Variants in FGF12 observed in about 807,000 individuals in gnomAD.
FGF12 encodes the protein fibroblast growth factor 12, also known as fibroblast growth factor 12B.
In FGF12, 14 loss-of-function variants were observed where a neutral mutation model predicts 23.6. The ratio of observed to expected loss-of-function variants is 0.59; its 90% CI spans 0.39 to 0.93. FGF12 has a LOEUF of 0.93. Ranked by LOEUF, FGF12 falls within the 40% of genes least tolerant of loss-of-function variation. The pLI, the probability that FGF12 is intolerant of heterozygous loss-of-function variation, is 0.00. For synonymous variants in FGF12, 62 were observed against 77.3 expected (o/e 0.80, Z 1.04); for missense variants, 175 against 217.8 (o/e 0.80, Z 1.24).
At chr3:192,558,842 A>G (rs1055375171) in intron 2 of FGF12, among the ~76,000 whole-genome samples, 1 of 151,962 alleles carries the variant, frequency 6.6e-6, no homozygotes, top group Non-Finnish European at 1.5e-5. Context: ...CCAAGACTAC[A>G]AAATGGAGAA....
intron 2 of FGF12, among the ~76,000 whole-genome samples, chr3:192,608,430 A>G (rs1714427439): frequency 6.6e-6 from 1 of 152,140 alleles, no homozygotes; most frequent in Admixed American, 6.6e-5. Flanking sequence ...ATATACACCT[A>G]CAATATACCT....
rs1445156282 is a variant in FGF12, at chr3:192,336,834, C to A, written c.125-1370G>T. On this transcript the variant is annotated intron_variant, in intron 3 of 5. Coordinates refer to ENST00000445105, the MANE Select transcript of FGF12 (RefSeq NM_004113.6). This position sits in a 1 kb window ranked among gnomAD's most constrained non-coding sequence, Gnocchi z 4.3. ...ACACTCACAGTATTTGGCTTTCAGTCAAATGTTCAATTGACAGTTGTAGAG... is the reference window on the plus strand; with the variant it reads ...ACACTCACAGTATTTGGCTTTCAGTAAAATGTTCAATTGACAGTTGTAGAG... 6.6e-6 allele frequency among the ~76,000 whole-genome samples: 1 copy of A among 152,122 alleles called. No individual in the cohort carries two copies. Among genetic ancestry groups the A allele is most frequent in the Non-Finnish European group, 1.5e-5 (1 of 68,016 alleles).
At chr3:192,266,153 C>T (rs1257180683) in intron 4 of FGF12, among the ~76,000 whole-genome samples, 1 of 152,152 alleles carries the variant, frequency 6.6e-6, no homozygotes, top group African/African-American at 2.4e-5. Context: ...TCTCTGACTG[C>T]TCAGGTTAAA....
chr3:192,144,770 C>T (rs1167831321), intron 5 of FGF12, among the ~76,000 whole-genome samples: 4 of 152,176 alleles, frequency 2.6e-5, no homozygotes, highest in Admixed American at 2.6e-4. Context: ...CTTTTCTCCT[C>T]TATTGTATTG....
At chr3:192,145,168 C>G (rs1013928588) in intron 5 of FGF12, among the ~76,000 whole-genome samples, 3 of 152,190 alleles carry the variant, frequency 2.0e-5, no homozygotes, top group East Asian at 3.9e-4. Context: ...TTAATTTGGA[C>G]ACATTTTCAT....
intron 4 of FGF12, among the ~76,000 whole-genome samples, chr3:192,174,892 A>G (rs894295021): frequency 1.3e-5 from 2 of 152,168 alleles, no homozygotes; most frequent in African/African-American, 4.8e-5. Flanking sequence ...CACATGTTTT[A>G]AATGTTTAGA....
chr3:192,683,864 T>C (rs896248700), intron 2 of FGF12, among the ~76,000 whole-genome samples: 6 of 152,222 alleles, frequency 3.9e-5, no homozygotes, highest in African/African-American at 1.4e-4. Flanking sequence ...TATCTTTCTG[T>C]TCGGCTGCAA....
chr3:192,725,855 A>G (rs1719197077), intron 2 of FGF12, among the ~76,000 whole-genome samples: 1 of 152,236 alleles, frequency 6.6e-6, no homozygotes, highest in Non-Finnish European at 1.5e-5. Context: ...GGAGTATAAT[A>G]GAGTTAATAA....
At chr3:192,201,187 T>A (rs1019968205) in intron 4 of FGF12, among the ~76,000 whole-genome samples, 4 of 152,222 alleles carry the variant, frequency 2.6e-5, no homozygotes, top group African/African-American at 9.6e-5. Flanking sequence ...AGCTGTACTT[T>A]ATGTTCTAAA....
intron 2 of FGF12, among the ~76,000 whole-genome samples, chr3:192,534,392 C>CTTTATT (rs969902447): frequency 1.1e-4 from 17 of 152,012 alleles, no homozygotes; most frequent in Admixed American, 1.0e-3. Flanking sequence ...GATGTAAGCT[C>CTTTATT]TTTATTTTTA....
intron 2 of FGF12, among the ~76,000 whole-genome samples, chr3:192,399,877 A>T (rs1158765838): frequency 1.3e-5 from 2 of 152,224 alleles, no homozygotes; most frequent in African/African-American, 4.8e-5. Flanking sequence ...CTGACTCCTG[A>T]AAAGTAACGA....
intron 4 of FGF12, among the ~76,000 whole-genome samples, chr3:192,174,779 C>T (rs56084138): frequency 0.029 from 4,405 of 151,308 alleles, 206 homozygotes; most frequent in African/African-American, 0.1. Context: ...CCTTCTGGCT[C>T]CACACATATT....
At chr3:192,628,442 TACACACACACACACACACAC>T (rs60991895) in intron 2 of FGF12, among the ~76,000 whole-genome samples, 15 of 134,984 alleles carry the variant, frequency 1.1e-4, no homozygotes, top group East Asian at 4.3e-4. Context: ...ACCAAAGGAA[TACACACACACACACACACAC>T]ACACACACAC....
At chr3:192,194,498 A>T (rs972816391) in intron 4 of FGF12, among the ~76,000 whole-genome samples, 2 of 152,214 alleles carry the variant, frequency 1.3e-5, no homozygotes, top group Admixed American at 1.3e-4. Context: ...CTCTGGATGA[A>T]ATTTTCATTC....
At chr3:192,533,335 G>GT (rs1037106621) in intron 2 of FGF12, among the ~76,000 whole-genome samples, 6 of 152,078 alleles carry the variant, frequency 3.9e-5, no homozygotes, top group Non-Finnish European at 8.8e-5. Flanking sequence ...TGTAATTCAG[G>GT]TTTTTGGGGA....
intron 2 of FGF12, among the ~76,000 whole-genome samples, chr3:192,569,447 C>T (rs1436537594): frequency 2.0e-5 from 3 of 152,272 alleles, no homozygotes; most frequent in African/African-American, 7.2e-5. Flanking sequence ...AGCAAAGGAA[C>T]GTCTGGAGAA....
chr3:192,443,852 T>G (rs929597081), intron 2 of FGF12, among the ~76,000 whole-genome samples: 1 of 152,152 alleles, frequency 6.6e-6, no homozygotes, highest in African/African-American at 2.4e-5. Context: ...TTCTGTAGCT[T>G]ATGGGAACCA....
chr3:192,401,655 G>A (rs1237880563), intron 2 of FGF12, among the ~76,000 whole-genome samples: 4 of 152,264 alleles, frequency 2.6e-5, no homozygotes, highest in East Asian at 3.9e-4. Flanking sequence ...CAAGTCGCAT[G>A]ATATCACCCC....
chr3:192,312,710 G>T (rs1429657138), intron 4 of FGF12, among the ~76,000 whole-genome samples: 1 of 149,136 alleles, frequency 6.7e-6, no homozygotes, highest in Non-Finnish European at 1.5e-5. Context: ...TCGCACAACT[G>T]CACTCCAGCC....
Sources: allele counts gnomAD v4.1 joint callset (sites outside exome capture counted in the v4.1 genomes callset), GRCh38; gene constraint gnomAD v4.1.1; non-coding constraint Gnocchi (gnomAD v3.1); transcripts MANE v1.5; gene names NCBI Gene and HGNC (gene_info 2026-07-23, HGNC 2026-07-21).